Variants in CLK4 observed in about 807,000 individuals in gnomAD.
The protein encoded by CLK4 is CDC like kinase 4, also known as dual specificity protein kinase CLK4.
A neutral mutation model predicts 64.4 loss-of-function variants in CLK4; 37 were observed. The ratio of observed to expected loss-of-function variants is 0.57; its 90% CI spans 0.44 to 0.76. The LOEUF is 0.76. Ranked by LOEUF, CLK4 falls within the 30% of genes least tolerant of loss-of-function variation. The pLI, the probability that CLK4 is intolerant of heterozygous loss-of-function variation, is 0.00. For synonymous variants in CLK4, 175 were observed against 191.6 expected, an observed-to-expected ratio of 0.91 and a Z score of 0.72; for missense variants, 457 against 605.1, an observed-to-expected ratio of 0.76 and a Z score of 2.57.
intron 2 of CLK4, chr5:178,622,064 C>G (rs964322189): frequency 6.6e-6 from 1 of 152,100 alleles, no homozygotes; most frequent in Non-Finnish European, 1.5e-5. Context: ...ATCATGTTTA[C>G]GTAGTTAACT....
In CLK4 at chr5:178,612,869, G is replaced by C; in HGVS notation, c.848C>G (p.Thr283Ser). 6.4e-7 allele frequency: 1 copy of C among 1,550,594 alleles called. No individual in the cohort carries two copies. ...SINFLHHNKL[T>S]HTDLKPENIL... ...ATTTTCAGGCTTCAGATCTGTATGGGTTAATTTATTATGATGTAAAACTAC... is the reference window on the plus strand; with the variant it reads ...ATTTTCAGGCTTCAGATCTGTATGGCTTAATTTATTATGATGTAAAACTAC... Residue 283 changes from threonine to serine, a missense_variant, in exon 8 of 13, where the codon ACC (threonine) becomes AGC (serine). Thr to Ser is a moderately conservative substitution (Grantham distance 58). Transcript: ENST00000316308.
At chr5:178,615,628 T>C (rs1562129188) in intron 5 of CLK4, among the ~76,000 whole-genome samples, 1 of 152,236 alleles carries the variant, frequency 6.6e-6, no homozygotes, top group African/African-American at 2.4e-5. Flanking sequence ...GCTGCTATGG[T>C]ATTTAGATTC....
At chr5:178,618,977 T>C (rs1483710799) in intron 2 of CLK4, among the ~76,000 whole-genome samples, 199 bp from the exon 3 acceptor site, 3 of 152,210 alleles carry the variant, frequency 2.0e-5, no homozygotes, top group Admixed American at 6.5e-5. Context: ...GGGCCCATTA[T>C]AGAGTTTGCT....
rs1764642605 is a variant in CLK4 at position 178,617,497 on chromosome 5, G to A, written c.385-63C>T. The A allele has an allele frequency of 1.4e-6, 2 of 1,431,456 alleles. No individual in the cohort carries two copies. The highest frequency in any genetic ancestry group is 9.8e-7 in the Non-Finnish European group (1 of 1,023,360). The allele number at this position is 1,431,456 out of a possible 1,614,324, so 88.7% of individuals were successfully genotyped here. A position where few individuals can be genotyped will look rare whatever the true frequency, so the allele number is the denominator to read the frequency against. ...CAATCAATATATCAGAGTGAATTCA[G>A]GGCAGAATACGCAATTCATTCAGCG... is the stretch of plus-strand genomic sequence containing the variant. On this transcript the variant is annotated intron_variant, in intron 3 of 12. Transcript: ENST00000316308. The surrounding 1 kb of genome is among the most constrained non-coding windows in gnomAD (Gnocchi z 5.2).
chr5:178,604,114 C>T (rs1471760977), intron 11 of CLK4, 180 bp from the exon 12 acceptor site: 11 of 436,712 alleles, frequency 2.5e-5, no homozygotes, highest in African/African-American at 2.0e-4. Flanking sequence ...TCATATCCTC[C>T]ACCCTGTGAG....
intron 9 of CLK4, among the ~76,000 whole-genome samples, chr5:178,608,980 G>A (rs546616739): frequency 1.3e-5 from 2 of 152,316 alleles, no homozygotes; most frequent in South Asian, 4.1e-4. Context: ...AAGGTATAAT[G>A]GGAATTTTAA....
intron 1 of CLK4, among the ~76,000 whole-genome samples, chr5:178,626,068 G>C (rs1297219577): frequency 6.6e-6 from 1 of 152,162 alleles, no homozygotes. Flanking sequence ...TGTAGTTCTT[G>C]ACAACTTTAC....
intron 2 of CLK4, chr5:178,622,621 A>G (rs1421398863): frequency 1.2e-5 from 2 of 163,814 alleles, no homozygotes; most frequent in African/African-American, 4.8e-5. Context: ...TAAGAATACA[A>G]TAAAACAGCA....
intron 10 of CLK4, among the ~76,000 whole-genome samples, chr5:178,607,434 TC>T (rs1764482726): frequency 6.6e-6 from 1 of 151,488 alleles, no homozygotes; most frequent in Non-Finnish European, 1.5e-5. Flanking sequence ...CTCCTCCTCT[TC>T]CTATGTTCTC....
At chr5:178,619,901 G>C in intron 2 of CLK4, 1 of 686,834 alleles carries the variant, frequency 1.5e-6, no homozygotes, top group Non-Finnish European at 2.3e-6. Context: ...GGAGCACTGA[G>C]GGAGAGAGGG....
chr5:178,603,558 GAC>G lies in CLK4; in HGVS notation c.*57_*58del, dbSNP rs1371375802. The G allele has an allele frequency of 7.4e-6, 9 of 1,223,878 alleles. No individual in the cohort carries two copies. Among genetic ancestry groups the G allele is most frequent in the South Asian group, 2.0e-5 (1 of 51,192 alleles). The allele number at this position is 1,223,878 out of a possible 1,614,324, so 75.8% of individuals were successfully genotyped here. On this transcript the variant is annotated 3_prime_UTR_variant, in exon 13 of 13. Transcript: ENST00000316308. ...AAAATATTAGAATGTTTAGTTGACT[GAC>G]ACAGTCTTAAGTAATCTCTTCTAGA... is the stretch of plus-strand genomic sequence containing the variant.
Position 178,619,714 on chromosome 5 carries a change from T to C in CLK4, c.162-936A>G, listed in dbSNP as rs1290168283. 4 of 1,160,610 alleles carry C rather than the reference T, an allele frequency of 3.4e-6. No individual in the cohort carries two copies. In the Admixed American group the frequency reaches 1.1e-4, roughly 31 times the overall value. The allele number at this position is 1,160,610 out of a possible 1,614,324, so 71.9% of individuals were successfully genotyped here. ...TTCCTAAGAAACACATAAACAAAAC[T>C]TGGCAAGGAATTTCAAAGGTCATGG... On this transcript the variant is annotated intron_variant, in intron 2 of 12. Coordinates refer to ENST00000316308, the MANE Select transcript of CLK4 (RefSeq NM_020666.3).
intron 11 of CLK4, 143 bp downstream of exon 11, chr5:178,605,160 G>C (rs1170133502): frequency 2.7e-6 from 1 of 373,990 alleles, no homozygotes; most frequent in African/African-American, 2.2e-5. Flanking sequence ...GATGAAGTTA[G>C]AAGTTACCTC....
chr5:178,603,482 C>A lies in CLK4; in HGVS notation c.*135G>T. The A allele has an allele frequency of 1.8e-6, 1 of 546,852 alleles. No homozygotes were observed. 33.9% of individuals were successfully genotyped at this position (546,852 alleles called of 1,614,324 possible). A position where few individuals can be genotyped will look rare whatever the true frequency, so the allele number is the denominator to read the frequency against. ...TAACAAGTTAATTATGCTATTGATA[C>A]AAAACATACAATATTTACACTTAAC... On this transcript the variant is annotated 3_prime_UTR_variant, in exon 13 of 13. Transcript: ENST00000316308.
intron 1 of CLK4, among the ~76,000 whole-genome samples, chr5:178,624,006 G>A (rs1377517645): frequency 6.6e-6 from 1 of 152,182 alleles, no homozygotes; most frequent in East Asian, 1.9e-4. Context: ...AAAACACTTA[G>A]GGATACTAAA....
Position 178,617,067 on chromosome 5 carries a change from G to T in CLK4, c.476-119C>A. 1.4e-6 allele frequency: 1 copy of T among 728,938 alleles called. No homozygotes were observed. Among genetic ancestry groups the T allele is most frequent in the Non-Finnish European group, 2.3e-6 (1 of 425,878 alleles). 45.2% of individuals were successfully genotyped at this position (728,938 alleles called of 1,614,324 possible). A position where few individuals can be genotyped will look rare whatever the true frequency, so the allele number is the denominator to read the frequency against. Reference sequence around the variant, plus strand: ...TGATCTCTAACAAAGCATAACTAAGGTTTCAGCACTCAAATTATTTTAGTT... The same window carrying T: ...TGATCTCTAACAAAGCATAACTAAGTTTTCAGCACTCAAATTATTTTAGTT... On this transcript the variant is annotated intron_variant, in intron 4 of 12. Coordinates refer to ENST00000316308, the MANE Select transcript of CLK4 (RefSeq NM_020666.3). This position sits in a 1 kb window ranked among gnomAD's most constrained non-coding sequence, Gnocchi z 5.2.
chr5:178,613,789 T>C lies in CLK4; in HGVS notation c.597A>G (p.Glu199=). Residue 199 remains glutamate (E), a synonymous_variant, in exon 6 of 13, where the codon GAA becomes GAG. Transcript: ENST00000316308. ...KIVKNVGRYR[E]AARSEIQVLE... is the part of the protein sequence containing the mutation. Reference sequence around the variant, plus strand: ...ATACTTGGATTTCTGAACGAGCTGCTTCACGGTAACGGCCTACATTTTTTA... The same window carrying C: ...ATACTTGGATTTCTGAACGAGCTGCCTCACGGTAACGGCCTACATTTTTTA... The C allele has an allele frequency of 6.2e-7, 1 of 1,614,180 alleles. No individual in the cohort carries two copies.
intron 10 of CLK4, 69 bp downstream of exon 10, chr5:178,608,307 A>G (rs903329814): frequency 1.7e-6 from 2 of 1,174,434 alleles, no homozygotes; most frequent in East Asian, 5.0e-5. Flanking sequence ...ATGGAAGTCA[A>G]AACTTTAGCA....
chr5:178,613,440 AAAT>A, intron 7 of CLK4, 30 bp downstream of exon 7: 1 of 1,303,476 alleles, frequency 7.7e-7, no homozygotes, highest in South Asian at 2.1e-5. Context: ...ATAAATAAAT[AAAT>A]AAAAATAAAG....
Sources: gnomAD v4.1 joint callset for allele counts (sites outside exome capture counted in the v4.1 genomes callset) on GRCh38, gnomAD v4.1.1 for gene constraint, Gnocchi (gnomAD v3.1) non-coding constraint, MANE v1.5 for transcripts, NCBI Gene and HGNC (gene_info 2026-07-23, HGNC 2026-07-21) for gene names.